TBL1X: variants seen among roughly 807,000 people sequenced by gnomAD.
The protein encoded by TBL1X is F-box-like/WD repeat-containing protein TBL1X.
Under a neutral mutation model 50.7 loss-of-function variants are expected in TBL1X, and 10 were observed. The observed-to-expected ratio is 0.20, with a 90% CI of 0.12 to 0.33. The LOEUF (loss-of-function observed/expected upper bound fraction) is 0.33, where lower values mean the gene tolerates loss of function less well. Among genes scored for constraint, TBL1X ranks in the 10% least tolerant of loss-of-function variants. The probability of loss-of-function intolerance (pLI) is 1.00; values close to 1 mark genes in which losing one functional copy is unlikely to be tolerated. For synonymous variants in TBL1X, 190 were observed against 214.7 expected (o/e 0.88, Z 1.01); for missense variants, 340 against 504.4 (o/e 0.67, Z 3.12).
At chrX:9,522,935 G>A (rs1276967043) in intron 2 of TBL1X, among the ~76,000 whole-genome samples, 1 of 111,889 alleles carries the variant, frequency 8.9e-6, no homozygotes, top group East Asian at 2.8e-4. Context: ...TGAACATGTT[G>A]ACAACATGGG....
At chrX:9,579,272 A>T (rs2082428014) in intron 2 of TBL1X, among the ~76,000 whole-genome samples, 2 of 112,318 alleles carry the variant, frequency 1.8e-5, no homozygotes, top group Admixed American at 9.4e-5. Flanking sequence ...CCATCAGTGC[A>T]TTGGGAAACC....
chrX:9,546,714 C>T (rs1169360919), intron 2 of TBL1X, among the ~76,000 whole-genome samples: 2 of 106,042 alleles, frequency 1.9e-5, no homozygotes, highest in Non-Finnish European at 3.9e-5. Context: ...TCTAATTCTT[C>T]TATTCATTTT....
chrX:9,591,421 G>A (rs1395988604), intron 2 of TBL1X, among the ~76,000 whole-genome samples: 2 of 112,203 alleles, frequency 1.8e-5, no homozygotes, highest in African/African-American at 3.2e-5. Flanking sequence ...TTGGCCAGCC[G>A]ATTCATGCAG....
chrX:9,578,662 CAG>C (rs2082424865), intron 2 of TBL1X, among the ~76,000 whole-genome samples: 2 of 111,650 alleles, frequency 1.8e-5, no homozygotes, highest in South Asian at 7.5e-4. Context: ...GTGGCTTTGG[CAG>C]AGAGACGGCT....
chrX:9,604,473 A>T (rs1166155072), intron 2 of TBL1X, among the ~76,000 whole-genome samples: 1 of 110,804 alleles, frequency 9.0e-6, no homozygotes, highest in African/African-American at 3.3e-5. Context: ...GAGTAAATGA[A>T]GCAGGACTTG....
chrX:9,640,524 C>T (rs2082770195), intron 3 of TBL1X, among the ~76,000 whole-genome samples, 164 bp downstream of exon 3: 1 of 112,574 alleles, frequency 8.9e-6, no homozygotes, highest in Non-Finnish European at 1.9e-5. Context: ...AGTAGACAGA[C>T]AATCATTAAA....
At chrX:9,677,430 A>G (rs1205169102) in intron 5 of TBL1X, among the ~76,000 whole-genome samples, 2 of 109,533 alleles carry the variant, frequency 1.8e-5, no homozygotes, top group Non-Finnish European at 3.8e-5. Context: ...TCCATTGATC[A>G]TAGAGCTAGA....
intron 2 of TBL1X, among the ~76,000 whole-genome samples, chrX:9,622,743 C>T (rs779822651): frequency 8.9e-6 from 1 of 112,410 alleles, no homozygotes; most frequent in African/African-American, 3.2e-5. Flanking sequence ...CTCAAGTGAT[C>T]TGCTCACCTT....
intron 1 of TBL1X, among the ~76,000 whole-genome samples, chrX:9,495,528 A>C (rs1365211917): frequency 9.0e-6 from 1 of 111,394 alleles, no homozygotes; most frequent in African/African-American, 3.3e-5. Flanking sequence ...GCATCACCCC[A>C]GGGAAAATAC....
At chrX:9,565,960 A>G (rs1471513676) in intron 2 of TBL1X, among the ~76,000 whole-genome samples, 1 of 112,567 alleles carries the variant, frequency 8.9e-6, no homozygotes, top group African/African-American at 3.2e-5. Flanking sequence ...GATGGTGCTA[A>G]AAGGCATGTA....
intron 2 of TBL1X, among the ~76,000 whole-genome samples, chrX:9,561,210 T>C (rs2082323521): frequency 9.0e-6 from 1 of 111,659 alleles, no homozygotes; most frequent in African/African-American, 3.3e-5. Flanking sequence ...GGCTGGGGCT[T>C]AGAAGTCATT....
At chrX:9,530,206 C>T (rs746859395) in intron 2 of TBL1X, among the ~76,000 whole-genome samples, 17 of 112,000 alleles carry the variant, frequency 1.5e-4, no homozygotes, top group Non-Finnish European at 2.1e-4. Context: ...TTTAATGTCA[C>T]GAGGGGGTCC....
At chrX:9,566,455 C>G (rs997382244) in intron 2 of TBL1X, among the ~76,000 whole-genome samples, 1 of 111,781 alleles carries the variant, frequency 8.9e-6, no homozygotes, top group African/African-American at 3.2e-5. Context: ...GCAAATGAAG[C>G]GGTTTGGAAT....
chrX:9,711,507 G>A (rs775445263), intron 15 of TBL1X, 104 bp from the exon 16 acceptor site: 5 of 810,531 alleles, frequency 6.2e-6, no homozygotes, highest in South Asian at 4.8e-5. Context: ...CTTTTGAAAC[G>A]TAAAAGCTGG....
chrX:9,693,893 G>A (rs748199733), intron 11 of TBL1X, among the ~76,000 whole-genome samples: 2 of 111,400 alleles, frequency 1.8e-5, no homozygotes, highest in South Asian at 3.9e-4. Flanking sequence ...ACAAGGGCAC[G>A]CTCTTCCGAT....
At position 9,692,195 on chromosome X, in the gene TBL1X, A is replaced by T. The variant is rs778770075; in HGVS notation, c.832A>T (p.Ile278Leu). 7 of 1,205,527 alleles carry T rather than the reference A, an allele frequency of 5.8e-6. No homozygotes were observed. Among genetic ancestry groups the T allele is most frequent in the Non-Finnish European group, 5.6e-6 (5 of 893,799 alleles). ...CACCCAGCTCGTGTTGAGGCACTGT[A>T]TACGAGAGGGGGGCCATGACGTCCC... ...GSTQLVLRHC[I>L]REGGHDVPSN... Residue 278 changes from isoleucine to leucine, a missense_variant, in exon 9 of 18, where the codon ATA becomes TTA. Around this residue, in one of 6 missense-constraint regions of TBL1X, gnomAD observed 170 missense variants for 272.6 expected, o/e 0.62. Coordinates refer to ENST00000645353, the MANE Select transcript of TBL1X (RefSeq NM_005647.4).
At chrX:9,654,166 AG>A in intron 4 of TBL1X, 48 bp from the exon 5 acceptor site, 2 of 1,101,166 alleles carry the variant, frequency 1.8e-6, no homozygotes, top group Non-Finnish European at 1.2e-6. Context: ...AAAAAAAAAA[AG>A]AGAAAAATAC....
At chrX:9,571,162 G>A (rs2082384341) in intron 2 of TBL1X, among the ~76,000 whole-genome samples, 1 of 111,578 alleles carries the variant, frequency 9.0e-6, no homozygotes, top group Non-Finnish European at 1.9e-5. Flanking sequence ...CAGTTTCTGG[G>A]GAGGCCTCTC....
chrX:9,567,847 A>G (rs1408891936), intron 2 of TBL1X, among the ~76,000 whole-genome samples: 1 of 112,085 alleles, frequency 8.9e-6, no homozygotes, highest in Non-Finnish European at 1.9e-5. Flanking sequence ...AGCCAACTCA[A>G]GTGCCACCTC....
Sources: allele counts gnomAD v4.1 joint callset (sites outside exome capture counted in the v4.1 genomes callset), GRCh38; gene constraint gnomAD v4.1.1; regional missense constraint gnomAD v4.1.1; transcripts MANE v1.5; gene names NCBI Gene and HGNC (gene_info 2026-07-23, HGNC 2026-07-21).